Variants in P3H2 observed in about 807,000 individuals in gnomAD.
P3H2 encodes leprecan-like 1.
In P3H2, 80 loss-of-function variants were observed where a neutral mutation model predicts 87.0. The observed-to-expected ratio is 0.92, with a 90% CI of 0.77 to 1.11. The LOEUF (loss-of-function observed/expected upper bound fraction) is 1.11, where lower values mean the gene tolerates loss of function less well. Ranked by LOEUF, P3H2 falls within the 50% of genes least tolerant of loss-of-function variation. The probability of loss-of-function intolerance (pLI) is 0.00; values close to 1 mark genes in which losing one functional copy is unlikely to be tolerated. For synonymous variants in P3H2, 367 were observed against 359.3 expected, an observed-to-expected ratio of 1.02 and a Z score of -0.24; for missense variants, 1,001 against 923.9, an observed-to-expected ratio of 1.08 and a Z score of -1.08.
intron 1 of P3H2, among the ~76,000 whole-genome samples, chr3:189,999,196 CAACA>C (rs376787590): frequency 3.2e-4 from 49 of 152,334 alleles, no homozygotes; most frequent in African/African-American, 1.1e-3. Context: ...CAGTCAATGT[CAACA>C]AACTGGGTCC....
intron 1 of P3H2, among the ~76,000 whole-genome samples, chr3:190,067,232 A>C (rs1726542170): frequency 6.6e-6 from 1 of 152,070 alleles, no homozygotes; most frequent in South Asian, 2.1e-4. Flanking sequence ...ATTTGAGTCT[A>C]ATCCATCTTT....
intron 2 of P3H2, 90 bp downstream of exon 2, chr3:189,995,200 G>T: frequency 8.3e-7 from 1 of 1,200,354 alleles, no homozygotes; most frequent in Non-Finnish European, 1.2e-6. Context: ...AACTTTATGA[G>T]ATATTCATTC....
At chr3:189,987,786 T>A in intron 4 of P3H2, 117 bp from the exon 5 acceptor site, 6 of 1,111,102 alleles carry the variant, frequency 5.4e-6, no homozygotes, top group Non-Finnish European at 8.1e-6. Flanking sequence ...AGAGGGAAGA[T>A]AAATTGAGGC....
At chr3:190,102,572 G>C (rs575307213) in intron 1 of P3H2, among the ~76,000 whole-genome samples, 2 of 152,162 alleles carry the variant, frequency 1.3e-5, no homozygotes, top group Non-Finnish European at 2.9e-5. Flanking sequence ...AATAAAACTC[G>C]AACAGATAAA....
At chr3:190,106,954 T>G (rs540848640) in intron 1 of P3H2, among the ~76,000 whole-genome samples, 1 of 152,318 alleles carries the variant, frequency 6.6e-6, no homozygotes, top group South Asian at 2.1e-4. Flanking sequence ...GTCAATAATA[T>G]CTGTTATCAC....
At chr3:190,060,550 AATAGCTATC>A (rs1726299675) in intron 1 of P3H2, among the ~76,000 whole-genome samples, 2 of 152,292 alleles carry the variant, frequency 1.3e-5, no homozygotes, top group African/African-American at 4.8e-5. Flanking sequence ...TATATTTTTT[AATAGCTATC>A]ATTGCTTTCA....
intron 1 of P3H2, among the ~76,000 whole-genome samples, chr3:190,083,000 C>T (rs1727101466): frequency 6.6e-6 from 1 of 152,256 alleles, no homozygotes; most frequent in Non-Finnish European, 1.5e-5. Flanking sequence ...AATATGTACA[C>T]ATAATCAGGA....
chr3:190,079,540 C>T (rs748632628), intron 1 of P3H2, among the ~76,000 whole-genome samples: 13 of 151,910 alleles, frequency 8.6e-5, no homozygotes, highest in Non-Finnish European at 1.6e-4. Context: ...TAGATATATG[C>T]CAAAAGCTCA....
At chr3:190,110,565 CA>C (rs1712033233) in intron 1 of P3H2, among the ~76,000 whole-genome samples, 1 of 152,122 alleles carries the variant, frequency 6.6e-6, no homozygotes, top group Admixed American at 6.5e-5. Flanking sequence ...TCCTGGATTT[CA>C]TATGAAAATA....
In P3H2 at chr3:189,973,908, C is replaced by G; in HGVS notation, c.1548+1G>C. The G allele has an allele frequency of 6.2e-7, 1 of 1,610,546 alleles. No individual in the cohort carries two copies. Among genetic ancestry groups the G allele is most frequent in the East Asian group, 2.2e-5 (1 of 44,864 alleles). On this transcript the variant is annotated splice_donor_variant, in intron 10 of 14. Coordinates refer to ENST00000319332, the MANE Select transcript of P3H2 (RefSeq NM_018192.4). LOFTEE classifies it high-confidence loss of function. ...AAACCCAAAAGAAGTTAAGACTTTA[C>G]TTTGAGTGCTTTCAGGACAGTTGCA...
chr3:190,040,684 C>G (rs956388649), intron 1 of P3H2, among the ~76,000 whole-genome samples: 5 of 152,020 alleles, frequency 3.3e-5, no homozygotes, highest in African/African-American at 1.2e-4. Context: ...TGACTTAAGA[C>G]AAACTGCATC....
At position 190,042,568 on chromosome 3, in the gene P3H2, T is replaced by C. The variant is rs185030000; in HGVS notation, c.481-47126A>G. ...TAGCAATATAAGATGTTAGTATATT[T>C]GTAATAAAAGATTTTCAAAATTAAT... is the stretch of plus-strand genomic sequence containing the variant. On this transcript the variant is annotated intron_variant, in intron 1 of 14. Transcript: ENST00000319332. Among the ~76,000 whole-genome samples, 388 of 152,338 alleles carry C rather than the reference T, an allele frequency of 2.5e-3. 1 individual carries two copies. Among genetic ancestry groups the C allele is most frequent in the South Asian group, 0.017 (82 of 4,826 alleles).
At chr3:189,977,125 T>C (rs1035202896) in intron 8 of P3H2, among the ~76,000 whole-genome samples, 2 of 152,212 alleles carry the variant, frequency 1.3e-5, no homozygotes, top group Admixed American at 1.3e-4. Flanking sequence ...TGGGCTGCAA[T>C]GATCATTGCC....
intron 1 of P3H2, among the ~76,000 whole-genome samples, chr3:190,092,511 A>G (rs906185532): frequency 7.2e-5 from 11 of 152,230 alleles, no homozygotes; most frequent in African/African-American, 2.7e-4. Flanking sequence ...TCTTGCTTAC[A>G]TGGCTATCTT....
chr3:190,032,910 C>A (rs918684467), intron 1 of P3H2, among the ~76,000 whole-genome samples: 4 of 152,094 alleles, frequency 2.6e-5, no homozygotes, highest in Admixed American at 1.3e-4. Context: ...CACTTTATTT[C>A]TATTATTATT....
chr3:190,088,307 T>C (rs1433899634), intron 1 of P3H2, among the ~76,000 whole-genome samples: 1 of 152,236 alleles, frequency 6.6e-6, no homozygotes, highest in Non-Finnish European at 1.5e-5. Flanking sequence ...CCCTTGGCAA[T>C]ATTAAGTGAA....
intron 1 of P3H2, among the ~76,000 whole-genome samples, chr3:190,112,610 G>A (rs191507239): frequency 3.3e-4 from 50 of 152,220 alleles, no homozygotes; most frequent in African/African-American, 1.2e-3. Flanking sequence ...ACAATGCAGG[G>A]GTAGGGCCAA....
At chr3:189,991,034 A>G (rs1401772136) in intron 3 of P3H2, among the ~76,000 whole-genome samples, 2 of 152,190 alleles carry the variant, frequency 1.3e-5, no homozygotes, top group Non-Finnish European at 2.9e-5. Flanking sequence ...TGTGGGCGTG[A>G]AAGCAGGATG....
Position 189,957,848 on chromosome 3 carries a change from AT to A in P3H2, c.*63del. On this transcript the variant is annotated 3_prime_UTR_variant, in exon 15 of 15. Transcript: ENST00000319332. ...ATTTATACCATGGCTCTGTACAAAA[AT>A]AAAAAGGTTCTCATAAGATTAACAA... 1 of 1,149,976 alleles carries A rather than the reference AT, an allele frequency of 8.7e-7. No homozygotes were observed. The allele number at this position is 1,149,976 out of a possible 1,614,324, so 71.2% of individuals were successfully genotyped here.
Sources: gnomAD v4.1 joint callset for allele counts (sites outside exome capture counted in the v4.1 genomes callset) on GRCh38, gnomAD v4.1.1 for gene constraint, MANE v1.5 for transcripts, NCBI Gene and HGNC (gene_info 2026-07-23, HGNC 2026-07-21) for gene names.